Variants in DPP6 observed in about 807,000 individuals in gnomAD.
DPP6 encodes the protein A-type potassium channel modulatory protein DPP6.
Under a neutral mutation model 122.6 loss-of-function variants are expected in DPP6, and 69 were observed. That is an observed-to-expected ratio of 0.56 (90% CI 0.46 to 0.69). DPP6 has a LOEUF of 0.69. Among genes scored for constraint, DPP6 ranks in the 30% least tolerant of loss-of-function variants. The pLI, the probability that DPP6 is intolerant of heterozygous loss-of-function variation, is 0.00. For missense variants in DPP6, 928 were observed against 1,116.9 expected, an observed-to-expected ratio of 0.83 and a Z score of 2.41; for synonymous variants, 418 against 433.1, an observed-to-expected ratio of 0.97 and a Z score of 0.43.
At chr7:154,221,189 G>A (rs1800284950) in intron 1 of DPP6, among the ~76,000 whole-genome samples, 1 of 152,102 alleles carries the variant, frequency 6.6e-6, no homozygotes, top group South Asian at 2.1e-4. Context: ...CACCCAGGCT[G>A]GAGTGCAGTG....
the DPP6 span, among the ~76,000 whole-genome samples, chr7:153,801,906 A>G: frequency 1.1e-4 from 16 of 152,114 alleles, no homozygotes; most frequent in Non-Finnish European, 2.2e-4. Context: ...TATCTAGCAC[A>G]TCACTTTGTT....
At chr7:154,769,848 C>G (rs911395099) in intron 9 of DPP6, among the ~76,000 whole-genome samples, 2 of 152,172 alleles carry the variant, frequency 1.3e-5, no homozygotes, top group African/African-American at 4.8e-5. Context: ...CTCACCACTC[C>G]CCAGTGATGA....
At chr7:153,908,897 G>A (rs1046425790) in intron 1 of DPP6, among the ~76,000 whole-genome samples, 1 of 152,040 alleles carries the variant, frequency 6.6e-6, no homozygotes, top group Non-Finnish European at 1.5e-5. Flanking sequence ...GGGACTACAG[G>A]CACGTGCCAC....
At chr7:153,801,467 C>T in the DPP6 span, among the ~76,000 whole-genome samples, 19 of 152,254 alleles carry the variant, frequency 1.2e-4, no homozygotes, top group African/African-American at 2.9e-4. Context: ...AGAGGGAGAG[C>T]GGGAATGGAC....
intron 1 of DPP6, among the ~76,000 whole-genome samples, chr7:153,964,663 C>G (rs1172084454): frequency 1.3e-5 from 2 of 152,148 alleles, no homozygotes; most frequent in African/African-American, 4.8e-5. Flanking sequence ...CGCCAACATC[C>G]TGTGGTGATT....
chr7:154,087,210 C>T (rs994439834), intron 1 of DPP6, among the ~76,000 whole-genome samples: 4 of 151,858 alleles, frequency 2.6e-5, no homozygotes, highest in African/African-American at 4.8e-5. Flanking sequence ...TGACAGAATG[C>T]CCACTTGGCT....
upstream of DPP6, among the ~76,000 whole-genome samples, chr7:154,051,478 T>TGGAGCGGA (rs1252827187): frequency 6.7e-6 from 1 of 149,994 alleles, no homozygotes; most frequent in Non-Finnish European, 1.5e-5. Flanking sequence ...AGGCCGGGCC[T>TGGAGCGGA]GGAGCGGAGG....
At chr7:154,274,446 G>C (rs1803995326) in intron 1 of DPP6, among the ~76,000 whole-genome samples, 1 of 152,102 alleles carries the variant, frequency 6.6e-6, no homozygotes, top group South Asian at 2.1e-4. Context: ...CTGATTCTAA[G>C]AGCTCAGATC....
intron 1 of DPP6, among the ~76,000 whole-genome samples, chr7:154,371,023 T>C (rs1351539854): frequency 2.0e-5 from 3 of 152,174 alleles, no homozygotes; most frequent in Non-Finnish European, 4.4e-5. Context: ...AAAGGTCTGC[T>C]CCTGATACCA....
chr7:154,700,721 G>A (rs1337625075), intron 7 of DPP6, among the ~76,000 whole-genome samples: 2 of 151,404 alleles, frequency 1.3e-5, no homozygotes, highest in East Asian at 1.9e-4. Flanking sequence ...GTGGCCCCTC[G>A]AACCCCATCA....
chr7:154,700,249 G>A (rs538114410), intron 7 of DPP6, among the ~76,000 whole-genome samples: 71 of 152,304 alleles, frequency 4.7e-4, no homozygotes, highest in South Asian at 4.1e-4. Flanking sequence ...AATATTTAGC[G>A]TCAAGTTTCT....
rs1403669483 is a variant in DPP6, at chr7:154,807,008, G to A, written c.1562G>A (p.Gly521Asp). The change falls in exon 16 of 26, where the codon GGC becomes GAC. Residue 521 changes from glycine (G) to aspartate (D), a missense_variant. By Grantham distance (94) the Gly-to-Asp change is moderately conservative. Transcript: ENST00000377770. ...RRQLYSANTV[G>D]NFNRQCLSCD... is the part of the protein sequence containing the mutation. Reference sequence around the variant, plus strand: ...TGCTCTTCCAGTGCCAACACGGTGGGCAACTTCAACAGGCAGTGCCTCTCC... The same window carrying A: ...TGCTCTTCCAGTGCCAACACGGTGGACAACTTCAACAGGCAGTGCCTCTCC... 4 of 1,613,672 alleles carry A rather than the reference G, an allele frequency of 2.5e-6. No individual in the cohort carries two copies. Among genetic ancestry groups the A allele is most frequent in the Admixed American group, 3.3e-5 (2 of 60,000 alleles).
chr7:154,753,104 CT>C (rs1469222365), intron 8 of DPP6, among the ~76,000 whole-genome samples: 1 of 152,136 alleles, frequency 6.6e-6, no homozygotes, highest in Non-Finnish European at 1.5e-5. Context: ...ATTCCCTTCT[CT>C]TCCGAGACCT....
intron 1 of DPP6, among the ~76,000 whole-genome samples, chr7:154,198,153 G>C (rs1430477799): frequency 1.3e-5 from 2 of 152,054 alleles, no homozygotes; most frequent in African/African-American, 4.8e-5. Flanking sequence ...TTGATGTGTA[G>C]ATAGTGCATT....
intron 1 of DPP6, among the ~76,000 whole-genome samples, chr7:153,896,829 T>A (rs750745301): frequency 8.5e-5 from 13 of 152,274 alleles, no homozygotes; most frequent in Non-Finnish European, 1.8e-4. Flanking sequence ...AAGTAATACA[T>A]AAATAAATAT....
intron 4 of DPP6, among the ~76,000 whole-genome samples, chr7:154,544,142 A>G (rs960189451): frequency 2.1e-5 from 3 of 144,754 alleles, no homozygotes; most frequent in African/African-American, 7.4e-5. Flanking sequence ...TATGTATTTT[A>G]TATATATATT....
chr7:154,293,842 G>C (rs914097999), intron 1 of DPP6, among the ~76,000 whole-genome samples: 9 of 152,096 alleles, frequency 5.9e-5, no homozygotes, highest in African/African-American at 1.9e-4. Context: ...TTCAGTCTAG[G>C]TGACACTCAG....
intron 2 of DPP6, among the ~76,000 whole-genome samples, chr7:154,459,842 A>G (rs1391582099): frequency 4.6e-5 from 7 of 150,986 alleles, no homozygotes; most frequent in African/African-American, 1.7e-4. Flanking sequence ...AAAAGAAAAG[A>G]AAAGAAATAT....
intron 1 of DPP6, among the ~76,000 whole-genome samples, chr7:154,111,831 G>A (rs187194815): frequency 5.3e-5 from 8 of 152,256 alleles, no homozygotes; most frequent in Admixed American, 4.6e-4. Context: ...GTGTTGGTGC[G>A]TAGGCAGGTT....
Sources: allele counts gnomAD v4.1 joint callset (sites outside exome capture counted in the v4.1 genomes callset), GRCh38; gene constraint gnomAD v4.1.1; transcripts MANE v1.5; gene names NCBI Gene and HGNC (gene_info 2026-07-23, HGNC 2026-07-21).